MUS81: variants seen among roughly 807,000 people sequenced by gnomAD.
MUS81 encodes MUS81 structure-specific endonuclease subunit.
MUS81 carries 69 observed loss-of-function variants against 74.2 expected under a neutral mutation model. That is an observed-to-expected ratio of 0.93 (90% CI 0.77 to 1.14). The LOEUF (loss-of-function observed/expected upper bound fraction) is 1.14. Among genes scored for constraint, MUS81 ranks in the 50% most tolerant of loss-of-function variants. The pLI, the probability that MUS81 is intolerant of heterozygous loss-of-function variation, is 0.00. For missense variants in MUS81, 711 were observed against 726.5 expected (o/e 0.98, Z 0.25); for synonymous variants, 303 against 300.6 (o/e 1.01, Z -0.08).
rs1289284143 is a variant in MUS81, at chr11:65,860,639, T to C, written c.-115T>C. 2 of 1,439,782 alleles carry C rather than the reference T, an allele frequency of 1.4e-6. No homozygotes were observed. The highest frequency in any genetic ancestry group is 1.4e-5 in the African/African-American group (1 of 71,108). The allele number at this position is 1,439,782 out of a possible 1,614,324, so 89.2% of individuals were successfully genotyped here. On this transcript the variant is annotated 5_prime_UTR_variant, in exon 1 of 16. Coordinates refer to ENST00000308110, the MANE Select transcript of MUS81 (RefSeq NM_025128.5). Reference sequence around the variant, plus strand: ...CCCCGTGATCTCAACGGTCCTGCCCTCGGTCTCCCTCTTCCCCCGCCCCGC... The same window carrying C: ...CCCCGTGATCTCAACGGTCCTGCCCCCGGTCTCCCTCTTCCCCCGCCCCGC...
chr11:65,864,624 A>G lies in MUS81; in HGVS notation c.1176+11A>G. On this transcript the variant is annotated intron_variant, in intron 11 of 15. Coordinates refer to ENST00000308110, the MANE Select transcript of MUS81 (RefSeq NM_025128.5). The stretch of plus-strand genomic sequence containing the variant: ...GTCACCAACACTCAGGTGAGCTGGG[A>G]GGGCAGGGCCAGGCAGGCAGGCAGG... 6.2e-7 allele frequency: 1 copy of G among 1,613,758 alleles called. No individual in the cohort carries two copies. The highest frequency in any genetic ancestry group is 8.5e-7 in the Non-Finnish European group (1 of 1,179,756).
In MUS81 at chr11:65,862,257, G is replaced by A. The variant is rs746626563; in HGVS notation, c.497G>A (p.Arg166Lys). The A allele has an allele frequency of 1.1e-5, 18 of 1,613,704 alleles. No individual in the cohort carries two copies. In the South Asian group the frequency reaches 1.9e-4, roughly 17 times the overall value. Residue 166 changes from arginine (R) to lysine (K), a missense_variant, in exon 5 of 16, where the codon AGG (arginine) becomes AAG (lysine). Coordinates refer to ENST00000308110, the MANE Select transcript of MUS81 (RefSeq NM_025128.5). ...TTAACCAAGGAGGAGCTGCTGCAGA[G>A]GTGTGCTCAGAAGTCCCCCAGGGTG... ...HFLTKEELLQ[R>K]CAQKSPRVAP...
rs1407313843 is a variant in MUS81 at position 65,860,812 on chromosome 11, T to C, written c.59T>C (p.Leu20Pro). 9.7e-6 allele frequency: 15 copies of C among 1,547,070 alleles called. No individual in the cohort carries two copies. Among genetic ancestry groups the C allele is most frequent in the Non-Finnish European group, 1.2e-5 (14 of 1,148,982 alleles). Residue 20 changes from leucine to proline, a missense_variant, in exon 1 of 16, where the codon CTC (leucine) becomes CCC (proline). Leu to Pro is a moderately conservative substitution (Grantham distance 98). Transcript: ENST00000308110. ...KRPLPACPNPLFVRWLTEWRD... is the reference protein window; with the variant it reads ...KRPLPACPNPPFVRWLTEWRD... Reference sequence around the variant, plus strand: ...CCGCTGCCTGCCTGTCCCAACCCGCTCTTCGTTCGCTGGCTGACCGAGTGG... The same window carrying C: ...CCGCTGCCTGCCTGTCCCAACCCGCCCTTCGTTCGCTGGCTGACCGAGTGG...
At chr11:65,862,657 C>G in intron 6 of MUS81, 128 bp downstream of exon 6, 1 of 882,160 alleles carries the variant, frequency 1.1e-6, no homozygotes, top group South Asian at 1.5e-5. Context: ...TCAGGAGCCC[C>G]CACTGTTGGA....
rs1565264989 is a variant in MUS81, at chr11:65,861,435, A to G, written c.351A>G (p.Pro117=). ...RLAEVQDSSM[P]VPAQPKAGGS... ...CGGAAGTCCAGGACTCTTCCATGCC[A>G]GTGAGGAAGGGGCAAGGGGAGTGGA... The change falls in exon 3 of 16, where the codon CCA becomes CCG. Residue 117 remains proline (P), a splice_region_variant and synonymous_variant. Coordinates refer to ENST00000308110, the MANE Select transcript of MUS81 (RefSeq NM_025128.5). 1 of 1,597,262 alleles carries G rather than the reference A, an allele frequency of 6.3e-7. No homozygotes were observed.
At chr11:65,861,126 G>A (rs757349421) in intron 2 of MUS81, 24 bp downstream of exon 2, 2 of 1,611,584 alleles carry the variant, frequency 1.2e-6, no homozygotes, top group East Asian at 4.5e-5. Context: ...AAAGGGGTCG[G>A]TGATCCCCCA....
intron 12 of MUS81, 45 bp from the exon 13 acceptor site, chr11:65,864,972 T>G: frequency 6.2e-7 from 1 of 1,607,758 alleles, no homozygotes; most frequent in African/African-American, 1.3e-5. Flanking sequence ...TGGCTGGAGT[T>G]GTTCCTTCGA....
Position 65,863,496 on chromosome 11 carries a change from C to T in MUS81, c.833C>T (p.Thr278Ile), listed in dbSNP as rs774866031. The change falls in exon 8 of 16, where the codon ACC becomes ATC. Residue 278 changes from threonine to isoleucine, a missense_variant. Transcript: ENST00000308110. ...CTGTTGTGTGTGGACATTGGCGAGA[C>T]CCGGGGGTGAGTGAGGTGGGGAGAA... ...RVLLCVDIGETRGGGHRPELL... is the reference protein window; with the variant it reads ...RVLLCVDIGEIRGGGHRPELL... The T allele has an allele frequency of 3.7e-6, 6 of 1,614,062 alleles. No homozygotes were observed. The highest frequency in any genetic ancestry group is 5.1e-6 in the Non-Finnish European group (6 of 1,179,994).
intron 6 of MUS81, 77 bp downstream of exon 6, chr11:65,862,606 C>A: frequency 7.5e-7 from 1 of 1,339,572 alleles, no homozygotes; most frequent in Non-Finnish European, 1.1e-6. Flanking sequence ...CAACAACTCC[C>A]AGAGCTGATG....
chr11:65,860,913 G>A (rs767002723), intron 1 of MUS81, 25 bp downstream of exon 1: 4 of 1,604,710 alleles, frequency 2.5e-6, no homozygotes, highest in Non-Finnish European at 3.4e-6. Flanking sequence ...GGCCCGATGG[G>A]AAAAGCTGCT....
intron 7 of MUS81, 86 bp downstream of exon 7, chr11:65,863,291 A>C: frequency 6.3e-7 from 1 of 1,579,872 alleles, no homozygotes; most frequent in East Asian, 2.3e-5. Flanking sequence ...CATCACCTGC[A>C]GCTGAACTGT....
rs568561736 is a variant in MUS81, at chr11:65,861,707, T to C, written c.352-240T>C. On this transcript the variant is annotated intron_variant, in intron 3 of 15. Transcript: ENST00000308110. ...TTGAGTTTTCCTGTCTAATTACACC[T>C]GTCCTGCAGCGCATGGTAGAAGTGA... 4.5e-5 allele frequency: 27 copies of C among 601,686 alleles called. 1 individual carries two copies. Among genetic ancestry groups the C allele is most frequent in the Admixed American group, 4.2e-4 (14 of 33,500 alleles). The allele number at this position is 601,686 out of a possible 1,614,324, so 37.3% of individuals were successfully genotyped here. A position where few individuals can be genotyped will look rare whatever the true frequency, so the allele number is the denominator to read the frequency against.
In MUS81 at chr11:65,864,510, G is replaced by T. The variant is rs771444715; in HGVS notation, c.1073G>T (p.Arg358Leu). The T allele has an allele frequency of 1.2e-6, 2 of 1,614,062 alleles. No homozygotes were observed. The highest frequency in any genetic ancestry group is 2.2e-5 in the South Asian group (2 of 91,086). ...RFREQKFRLK[R>L]CGLERRVYLV... is the part of the protein sequence containing the mutation. ...ACACTTCCCTAGTTCCGGCTGAAGC[G>T]CTGTGGTCTGGAGCGCCGGGTATAC... Residue 358 changes from arginine (R) to leucine (L), a missense_variant, in exon 11 of 16, where the codon CGC becomes CTC. Transcript: ENST00000308110.
At position 65,865,266 on chromosome 11, in the gene MUS81, G is replaced by C; in HGVS notation, c.1448G>C (p.Arg483Pro). The change falls in exon 14 of 16, where the codon CGC becomes CCC. Residue 483 changes from arginine to proline, a missense_variant. Arg to Pro is a moderately radical substitution (Grantham distance 103). Transcript: ENST00000308110. Reference protein sequence around the residue: ...EVFARQLMQVRGVSGEKAAAL... With the variant: ...EVFARQLMQVPGVSGEKAAAL... ...TTTGCCCGGCAGCTGATGCAGGTGCGCGGAGTGAGTGGGGAGAAGGCAGCA... is the reference window on the plus strand; with the variant it reads ...TTTGCCCGGCAGCTGATGCAGGTGCCCGGAGTGAGTGGGGAGAAGGCAGCA... The C allele has an allele frequency of 6.2e-7, 1 of 1,614,184 alleles. No individual in the cohort carries two copies. Among genetic ancestry groups the C allele is most frequent in the Non-Finnish European group, 8.5e-7 (1 of 1,180,026 alleles).
chr11:65,865,820 C>T lies in MUS81; in HGVS notation c.1515C>T (p.Ala505=), dbSNP rs144945350. ...DRYSTPASLL[A]AYDACATPKE... ...AACCCCTGCCCCCCAGCCTCCTGGC[C>T]GCCTATGATGCCTGTGCCACCCCCA... Residue 505 remains alanine, a synonymous_variant, in exon 15 of 16, where the codon GCC becomes GCT. Coordinates refer to ENST00000308110, the MANE Select transcript of MUS81 (RefSeq NM_025128.5). The T allele has an allele frequency of 1.1e-4, 176 of 1,613,820 alleles. 1 individual carries two copies. Among genetic ancestry groups the T allele is most frequent in the South Asian group, 1.4e-4 (13 of 91,062 alleles).
downstream of MUS81, chr11:65,866,601 A>T (rs1195724072): frequency 1.4e-6 from 1 of 702,848 alleles, no homozygotes; most frequent in Non-Finnish European, 2.6e-6. Flanking sequence ...GCCAAGTCCA[A>T]ATCTCTGGGC....
chr11:65,865,856 G>A lies in MUS81; in HGVS notation c.1551G>A (p.Glu517=). Reference sequence around the variant, plus strand: ...CCTGTGCCACCCCCAAGGAACAAGAGACACTGCTGAGCACCATTAAGTGTG... The same window carrying A: ...CCTGTGCCACCCCCAAGGAACAAGAAACACTGCTGAGCACCATTAAGTGTG... ...YDACATPKEQ[E]TLLSTIKCGR... is the part of the protein sequence containing the mutation. The change falls in exon 15 of 16, where the codon GAG becomes GAA. Residue 517 remains glutamate (E), a synonymous_variant. Transcript: ENST00000308110. 6.2e-7 allele frequency: 1 copy of A among 1,614,126 alleles called. No homozygotes were observed. Among genetic ancestry groups the A allele is most frequent in the Non-Finnish European group, 8.5e-7 (1 of 1,180,010 alleles).
In MUS81 at chr11:65,865,905, G is replaced by A; in HGVS notation, c.1589+11G>A. ...TGGGCGTCTACAGAGGTGAGGGCAA[G>A]AGACGGAACCTGGAGGGAGTGGCAG... On this transcript the variant is annotated intron_variant, in intron 15 of 15. Transcript: ENST00000308110. The A allele has an allele frequency of 6.2e-7, 1 of 1,614,166 alleles. No homozygotes were observed. Among genetic ancestry groups the A allele is most frequent in the Non-Finnish European group, 8.5e-7 (1 of 1,179,994 alleles).
chr11:65,866,673 G>T (rs765059134), downstream of MUS81: 11 of 704,984 alleles, frequency 1.6e-5, no homozygotes, highest in South Asian at 1.5e-4. Context: ...GAAGCTCGTG[G>T]TGCAGAGCTC....
Sources: gnomAD v4.1 joint callset for allele counts on GRCh38, gnomAD v4.1.1 for gene constraint, MANE v1.5 for transcripts, NCBI Gene and HGNC (gene_info 2026-07-23, HGNC 2026-07-21) for gene names.